The following KCNK3 variants were observed in gnomAD, a reference collection of about 807,000 sequenced individuals.
KCNK3 encodes potassium two pore domain channel subfamily K member 3.
A neutral mutation model predicts 27.3 loss-of-function variants in KCNK3; 9 were observed. That is an observed-to-expected ratio of 0.33 (90% CI 0.20 to 0.57). KCNK3 has a LOEUF of 0.57. Among genes scored for constraint, KCNK3 ranks in the 20% least tolerant of loss-of-function variants. The probability of loss-of-function intolerance (pLI) is 0.87; values close to 1 mark genes in which losing one functional copy is unlikely to be tolerated. For synonymous variants in KCNK3, 278 were observed against 273.8 expected (o/e 1.02, Z -0.15); for missense variants, 391 against 577.7 (o/e 0.68, Z 3.31).
In KCNK3 at chr2:26,704,436, G is replaced by A. The variant is rs962354342; in HGVS notation, c.283+11278G>A. Among the ~76,000 whole-genome samples, 7 of 152,268 alleles carry A rather than the reference G, an allele frequency of 4.6e-5. No individual in the cohort carries two copies. The East Asian group carries it at 9.7e-4, about 21-fold the overall frequency. On this transcript the variant is annotated intron_variant, in intron 1 of 1. Coordinates refer to ENST00000302909, the MANE Select transcript of KCNK3 (RefSeq NM_002246.3). ...CTCCTTGATTTCTGCTCCGGGCTCC[G>A]AGGCTTGGCATGGACTCAGTGTCCC...
At chr2:26,705,725 C>T (rs1286915764) in intron 1 of KCNK3, among the ~76,000 whole-genome samples, 1 of 152,168 alleles carries the variant, frequency 6.6e-6, no homozygotes, top group Non-Finnish European at 1.5e-5. Context: ...GGTTCCCGGC[C>T]TTTGTCCACA....
At position 26,721,527 on chromosome 2, in the gene KCNK3, A is replaced by T. The variant is rs1663327947; in HGVS notation, c.284-6140A>T. Among the ~76,000 whole-genome samples, 1 of 151,776 alleles carries T rather than the reference A, an allele frequency of 6.6e-6. No homozygotes were observed. The highest frequency in any genetic ancestry group is 2.4e-5 in the African/African-American group (1 of 41,316). On this transcript the variant is annotated intron_variant, in intron 1 of 1. Transcript: ENST00000302909. This position sits in a 1 kb window ranked among gnomAD's most constrained non-coding sequence, Gnocchi z 4.3. ...GTTCCACACTGCTGCCATCCCCACA[A>T]CTGAGGGGCGGCTCCATGTCTGTGC...
Position 26,692,796 on chromosome 2 carries a change from T to C in KCNK3, c.-80T>C. The stretch of plus-strand genomic sequence containing the variant: ...GAGCGCAGCCATGCCCCAGGCCGCC[T>C]CCGGGGCAGCAGCAGCGGCGGCCGG... On this transcript the variant is annotated 5_prime_UTR_variant, in exon 1 of 2. Transcript: ENST00000302909. This position sits in a 1 kb window ranked among gnomAD's most constrained non-coding sequence, Gnocchi z 5.6. 2.5e-6 allele frequency: 2 copies of C among 812,492 alleles called. No homozygotes were observed. The highest frequency in any genetic ancestry group is 3.0e-6 in the Non-Finnish European group (2 of 673,684). The allele number at this position is 812,492 out of a possible 1,614,324, so 50.3% of individuals were successfully genotyped here.
chr2:26,703,807 G>A (rs977316630), intron 1 of KCNK3, among the ~76,000 whole-genome samples: 1 of 152,200 alleles, frequency 6.6e-6, no homozygotes, highest in Non-Finnish European at 1.5e-5. Context: ...GTGTCCAGGG[G>A]TAGGTTTGAA....
At chr2:26,712,777 C>T (rs1162669814) in intron 1 of KCNK3, among the ~76,000 whole-genome samples, 1 of 151,938 alleles carries the variant, frequency 6.6e-6, no homozygotes, top group Non-Finnish European at 1.5e-5. Context: ...AGAAGGTCCC[C>T]AGCAGCTGCC....
intron 1 of KCNK3, among the ~76,000 whole-genome samples, chr2:26,710,683 G>T (rs1013301742): frequency 2.6e-5 from 4 of 152,188 alleles, no homozygotes; most frequent in African/African-American, 7.2e-5. Context: ...GATGTCTGTA[G>T]CAGCCTCCAG....
At chr2:26,724,681 G>A (rs1044741630) in intron 1 of KCNK3, 18 of 905,922 alleles carry the variant, frequency 2.0e-5, no homozygotes, top group Non-Finnish European at 2.2e-5. Context: ...GGCAGTGGCT[G>A]TGGTGGAGCA....
chr2:26,706,031 A>AC (rs1244825595), intron 1 of KCNK3, among the ~76,000 whole-genome samples: 1 of 151,844 alleles, frequency 6.6e-6, no homozygotes, highest in Non-Finnish European at 1.5e-5. Flanking sequence ...AGTCTGAAGG[A>AC]CCCCCCAGGC....
At chr2:26,727,597 G>A (rs940612074) in intron 1 of KCNK3, 70 bp from the exon 2 acceptor site, 140 of 1,511,826 alleles carry the variant, frequency 9.3e-5, no homozygotes, top group South Asian at 1.6e-4. Flanking sequence ...CAACGGGGAG[G>A]GAGAAGAAGG....
rs398123042 is a variant in KCNK3, at chr2:26,727,927, G to A, written c.544G>A (p.Glu182Lys). The change falls in exon 2 of 2, where the codon GAG becomes AAG. Residue 182 changes from glutamate to lysine, a missense_variant. Glu to Lys is a moderately conservative substitution (Grantham distance 56). Around this residue, in one of 4 missense-constraint regions of KCNK3, gnomAD observed 158 missense variants for 267.7 expected, o/e 0.59. Coordinates refer to ENST00000302909, the MANE Select transcript of KCNK3 (RefSeq NM_002246.3). Reference protein sequence around the residue: ...CIGAAAFSHYEHWTFFQAYYY... With the variant: ...CIGAAAFSHYKHWTFFQAYYY... ...CGGCGCCGCCGCCTTCTCCCACTACGAGCACTGGACCTTCTTCCAGGCCTA... is the reference window on the plus strand; with the variant it reads ...CGGCGCCGCCGCCTTCTCCCACTACAAGCACTGGACCTTCTTCCAGGCCTA... 2 of 1,614,064 alleles carry A rather than the reference G, an allele frequency of 1.2e-6. No homozygotes were observed. Among genetic ancestry groups the A allele is most frequent in the Non-Finnish European group, 1.7e-6 (2 of 1,180,020 alleles).
chr2:26,694,637 T>C (rs1670212344), intron 1 of KCNK3, among the ~76,000 whole-genome samples: 1 of 152,062 alleles, frequency 6.6e-6, no homozygotes, highest in African/African-American at 2.4e-5. Context: ...ACTGGTCCTG[T>C]GAGTTTAGGA....
chr2:26,699,250 A>AAAGAAAGAAAGAAAGAAAGCAAGC (rs35378015), intron 1 of KCNK3, among the ~76,000 whole-genome samples: 25 of 142,774 alleles, frequency 1.8e-4, no homozygotes, highest in East Asian at 8.0e-4. Context: ...AGAAAGAAAG[A>AAAGAAAGAAAGAAAGAAAGCAAGC]AAGCCAGCCA....
intron 1 of KCNK3, among the ~76,000 whole-genome samples, chr2:26,713,678 G>T (rs1663171317): frequency 6.6e-6 from 1 of 151,776 alleles, no homozygotes; most frequent in African/African-American, 2.4e-5. Flanking sequence ...TGAGGCAGGA[G>T]AATTGCTTGA....
intron 1 of KCNK3, among the ~76,000 whole-genome samples, chr2:26,706,075 G>A (rs1475791388): frequency 6.6e-6 from 1 of 152,158 alleles, no homozygotes; most frequent in Non-Finnish European, 1.5e-5. Flanking sequence ...TGGGATGATG[G>A]AGAAGAGAGC....
chr2:26,714,844 C>T (rs908497342), intron 1 of KCNK3, among the ~76,000 whole-genome samples: 4 of 151,986 alleles, frequency 2.6e-5, no homozygotes, highest in African/African-American at 9.7e-5. Context: ...CGAGATCATG[C>T]CACTGCACTC....
Position 26,696,159 on chromosome 2 carries a change from C to T in KCNK3, c.283+3001C>T, listed in dbSNP as rs532307269. 7.2e-5 allele frequency among the ~76,000 whole-genome samples: 11 copies of T among 152,312 alleles called. No homozygotes were observed. The South Asian group carries it at 2.3e-3, about 32-fold the overall frequency. Reference sequence around the variant, plus strand: ...TGGGATGGAATAATGACAGCACTTCCCATCATTTGCTACCTTAGTGATCAC... The same window carrying T: ...TGGGATGGAATAATGACAGCACTTCTCATCATTTGCTACCTTAGTGATCAC... On this transcript the variant is annotated intron_variant, in intron 1 of 1. Coordinates refer to ENST00000302909, the MANE Select transcript of KCNK3 (RefSeq NM_002246.3).
At chr2:26,726,516 T>C (rs1663423159) in intron 1 of KCNK3, among the ~76,000 whole-genome samples, 1 of 152,242 alleles carries the variant, frequency 6.6e-6, no homozygotes, top group Non-Finnish European at 1.5e-5. Flanking sequence ...ATTATCATAA[T>C]TATGTTAATA....
rs1663497647 is a variant in KCNK3 at position 26,729,532 on chromosome 2, G to C, written c.*964G>C. ...GGCCTGGACAGGTGAAGTGACCAGA[G>C]AGCAAAAGGCAAAGGGGTGGGGGCT... is the stretch of plus-strand genomic sequence containing the variant. On this transcript the variant is annotated 3_prime_UTR_variant, in exon 2 of 2. Coordinates refer to ENST00000302909, the MANE Select transcript of KCNK3 (RefSeq NM_002246.3). 6.6e-6 allele frequency: 1 copy of C among 152,190 alleles called. No homozygotes were observed. The highest frequency in any genetic ancestry group is 2.1e-4 in the South Asian group (1 of 4,816). 9.4% of individuals were successfully genotyped at this position (152,190 alleles called of 1,614,324 possible). A position where few individuals can be genotyped will look rare whatever the true frequency, so the allele number is the denominator to read the frequency against.
At chr2:26,724,611 A>AG in intron 1 of KCNK3, 2 of 985,434 alleles carry the variant, frequency 2.0e-6, no homozygotes, top group Non-Finnish European at 2.4e-6. Flanking sequence ...AGTGAGATTG[A>AG]GCCCTGGGGG....
Sources: allele counts gnomAD v4.1 joint callset (sites outside exome capture counted in the v4.1 genomes callset), GRCh38; gene constraint gnomAD v4.1.1; regional missense constraint gnomAD v4.1.1; non-coding constraint Gnocchi (gnomAD v3.1); transcripts MANE v1.5; gene names NCBI Gene and HGNC (gene_info 2026-07-23, HGNC 2026-07-21).